Variants in MYH10 observed in about 807,000 individuals in gnomAD.
The protein encoded by MYH10 is myosin heavy chain 10, also known as myosin-10.
MYH10 carries 55 observed loss-of-function variants against 257.8 expected under a neutral mutation model. That is an observed-to-expected ratio of 0.21 (90% CI 0.17 to 0.27). The LOEUF is 0.27. MYH10 is among the 10% of genes least tolerant of loss of function. MYH10 has a pLI of 1.00. For missense variants in MYH10, 1,631 were observed against 2,500.6 expected (o/e 0.65, Z 7.42); for synonymous variants, 854 against 921.7 (o/e 0.93, Z 1.33).
chr17:8,518,993 A>T (rs2081564794), intron 19 of MYH10, 43 bp from the exon 20 acceptor site: 1 of 1,460,466 alleles, frequency 6.8e-7, no homozygotes, highest in African/African-American at 1.4e-5. Context: ...GAAATTTGTG[A>T]ACGATGTGTA....
At chr17:8,619,543 A>G (rs913068276) in intron 2 of MYH10, among the ~76,000 whole-genome samples, 2 of 152,286 alleles carry the variant, frequency 1.3e-5, no homozygotes, top group African/African-American at 2.4e-5. Context: ...GTAAGAATAA[A>G]TCTTAAAAAT....
Position 8,623,290 on chromosome 17 carries a change from G to A in MYH10, c.-31-13C>T. On this transcript the variant is annotated splice_polypyrimidine_tract_variant and intron_variant, in intron 1 of 42. Coordinates refer to ENST00000360416, the MANE Select transcript of MYH10 (RefSeq NM_001256012.3). ...AAAGCAATTGCCTCTAAGAGAAGAG[G>A]AGGAGGGCAAAATTAGATGTTTAAG... 2 of 1,538,790 alleles carry A rather than the reference G, an allele frequency of 1.3e-6. No individual in the cohort carries two copies. Among genetic ancestry groups the A allele is most frequent in the African/African-American group, 1.4e-5 (1 of 71,732 alleles).
intron 19 of MYH10, among the ~76,000 whole-genome samples, chr17:8,519,614 T>G (rs16957382): frequency 0.012 from 1,892 of 151,846 alleles, 32 homozygotes; most frequent in African/African-American, 0.044. Flanking sequence ...CAATAAAAAA[T>G]GAAAATCTAC....
chr17:8,567,813 C>A (rs770102692), intron 7 of MYH10, among the ~76,000 whole-genome samples: 2 of 152,136 alleles, frequency 1.3e-5, no homozygotes, highest in Non-Finnish European at 2.9e-5. Context: ...AATTTTAGAG[C>A]ACTGAGATAA....
At chr17:8,605,338 C>T (rs929689978) in intron 2 of MYH10, among the ~76,000 whole-genome samples, 7 of 152,126 alleles carry the variant, frequency 4.6e-5, no homozygotes, top group African/African-American at 1.4e-4. Context: ...ATGAAAAGCT[C>T]GTTAATGCAG....
At chr17:8,577,371 C>G in intron 4 of MYH10, 33 bp from the exon 5 acceptor site, 1 of 1,449,312 alleles carries the variant, frequency 6.9e-7, no homozygotes, top group Non-Finnish European at 9.6e-7. Context: ...GCTGCTTTAA[C>G]GAAAGCACAG....
chr17:8,521,354 A>G (rs1358934163), intron 17 of MYH10, 69 bp from the exon 18 acceptor site: 4 of 1,496,510 alleles, frequency 2.7e-6, no homozygotes, highest in South Asian at 1.1e-5. Context: ...GAAAAGACAC[A>G]GTGAAAGTGC....
At chr17:8,613,561 A>G (rs1487286462) in intron 2 of MYH10, among the ~76,000 whole-genome samples, 5 of 152,212 alleles carry the variant, frequency 3.3e-5, no homozygotes. Context: ...TAACCACTAA[A>G]AGAATAGCTA....
At chr17:8,498,272 T>C (rs371043323) in intron 30 of MYH10, among the ~76,000 whole-genome samples, 19 of 151,978 alleles carry the variant, frequency 1.3e-4, no homozygotes, top group African/African-American at 4.4e-4. Context: ...AGGTGTGAGC[T>C]ACCACGCCCG....
chr17:8,477,197 C>G lies in MYH10; in HGVS notation c.5707-149G>C, dbSNP rs563393358. 2 of 816,060 alleles carry G rather than the reference C, an allele frequency of 2.5e-6. No homozygotes were observed. The highest frequency in any genetic ancestry group is 3.9e-5 in the South Asian group (2 of 51,020). The allele number at this position is 816,060 out of a possible 1,614,324, so 50.6% of individuals were successfully genotyped here. ...TGTACACGCGTGCCTGGGGGCTGGT[C>G]GGAGGCTCTGTAACCGGCCTGCCGC... On this transcript the variant is annotated intron_variant, in intron 41 of 42. Coordinates refer to ENST00000360416, the MANE Select transcript of MYH10 (RefSeq NM_001256012.3). The surrounding 1 kb of genome is among the most constrained non-coding windows in gnomAD (Gnocchi z 4.2).
At chr17:8,540,112 C>T (rs1292040092) in intron 14 of MYH10, among the ~76,000 whole-genome samples, 1 of 152,190 alleles carries the variant, frequency 6.6e-6, no homozygotes, top group Non-Finnish European at 1.5e-5. Context: ...GTCTCAGCCT[C>T]CTGAGTAGCC....
chr17:8,540,052 C>T (rs1567868838), intron 14 of MYH10, among the ~76,000 whole-genome samples: 1 of 152,146 alleles, frequency 6.6e-6, no homozygotes, highest in South Asian at 2.1e-4. Context: ...TGCAGTGGTG[C>T]AATCTCGGCT....
intron 1 of MYH10, among the ~76,000 whole-genome samples, chr17:8,630,165 C>T (rs1275611264): frequency 6.6e-6 from 1 of 151,736 alleles, no homozygotes; most frequent in African/African-American, 2.4e-5. Context: ...TCCAGCCCCG[C>T]TTAGAATCCC....
chr17:8,602,820 T>C (rs2084661363), intron 3 of MYH10, among the ~76,000 whole-genome samples: 2 of 152,208 alleles, frequency 1.3e-5, no homozygotes, highest in Admixed American at 6.5e-5. Context: ...CTTGGTAAAA[T>C]AGGGATAGTA....
intron 17 of MYH10, among the ~76,000 whole-genome samples, chr17:8,524,144 T>G (rs2081755550): frequency 2.0e-5 from 3 of 150,140 alleles, no homozygotes; most frequent in African/African-American, 2.5e-5. Context: ...GGAGGAGGAG[T>G]TAAAGAGCAA....
intron 3 of MYH10, among the ~76,000 whole-genome samples, chr17:8,595,165 G>A (rs1245949741): frequency 6.6e-6 from 1 of 152,142 alleles, no homozygotes; most frequent in Non-Finnish European, 1.5e-5. Context: ...GTTAAAGTGT[G>A]GATGACTATA....
chr17:8,598,096 C>T (rs1339633341), intron 3 of MYH10, among the ~76,000 whole-genome samples: 1 of 152,204 alleles, frequency 6.6e-6, no homozygotes, highest in Non-Finnish European at 1.5e-5. Flanking sequence ...ATTCTCCTGC[C>T]TCAGCCTCCA....
At chr17:8,481,212 G>C in intron 38 of MYH10, 110 bp downstream of exon 38, 1 of 1,071,878 alleles carries the variant, frequency 9.3e-7, no homozygotes, top group East Asian at 2.5e-5. Flanking sequence ...CAGGCCCAGC[G>C]AGGGAGGAGC....
In MYH10 at chr17:8,506,537, C is replaced by A; in HGVS notation, c.3215-48G>T. The stretch of plus-strand genomic sequence containing the variant: ...CTCTTCAACACACCGAGTGACTCAC[C>A]ACAGGAATAAACTAAAATACAGACT... On this transcript the variant is annotated intron_variant, in intron 26 of 42. Transcript: ENST00000360416. The surrounding 1 kb of genome is among the most constrained non-coding windows in gnomAD (Gnocchi z 5.0). 6.4e-7 allele frequency: 1 copy of A among 1,571,792 alleles called. No individual in the cohort carries two copies.
Sources: gnomAD v4.1 joint callset for allele counts (sites outside exome capture counted in the v4.1 genomes callset) on GRCh38, gnomAD v4.1.1 for gene constraint, Gnocchi (gnomAD v3.1) non-coding constraint, MANE v1.5 for transcripts, NCBI Gene and HGNC (gene_info 2026-07-23, HGNC 2026-07-21) for gene names.